The following PAK1 variants were observed in gnomAD, a reference collection of about 807,000 sequenced individuals.
PAK1 encodes p21 (RAC1) activated kinase 1.
Under a neutral mutation model 67.4 loss-of-function variants are expected in PAK1, and 29 were observed. The ratio of observed to expected loss-of-function variants is 0.43; its 90% CI spans 0.32 to 0.59. The LOEUF is 0.59. PAK1 is among the 20% of genes least tolerant of loss of function. PAK1 has a pLI of 0.07. For missense variants in PAK1, 337 were observed against 670.7 expected, an observed-to-expected ratio of 0.50 and a Z score of 5.50; for synonymous variants, 223 against 237.4, an observed-to-expected ratio of 0.94 and a Z score of 0.56.
the PAK1 span, among the ~76,000 whole-genome samples, chr11:77,498,691 ATTTTTTTTTTTTTTT>A: frequency 9.7e-5 from 7 of 72,052 alleles, no homozygotes; most frequent in East Asian, 2.9e-3. Flanking sequence ...CTTGCTTGTA[ATTTTTTTTTTTTTTT>A]TTTTTTTTTT....
intron 6 of PAK1, among the ~76,000 whole-genome samples, chr11:77,356,562 C>G (rs948703175): frequency 6.6e-6 from 1 of 152,138 alleles, no homozygotes; most frequent in African/African-American, 2.4e-5. Flanking sequence ...GTTTCCTCAT[C>G]TATAAAATGG....
At chr11:77,402,080 GAA>G (rs1565671358) in intron 1 of PAK1, among the ~76,000 whole-genome samples, 1 of 152,090 alleles carries the variant, frequency 6.6e-6, no homozygotes, top group Non-Finnish European at 1.5e-5. Context: ...TGGGAACCTG[GAA>G]CCTATAGGGT....
At chr11:77,492,334 T>C in the PAK1 span, among the ~76,000 whole-genome samples, 1 of 136,462 alleles carries the variant, frequency 7.3e-6, no homozygotes, top group East Asian at 2.3e-4. Flanking sequence ...AGACTCCATC[T>C]CACAAAAAAA....
intron 1 of PAK1, among the ~76,000 whole-genome samples, chr11:77,431,046 C>G (rs1369904694): frequency 1.3e-5 from 2 of 152,096 alleles, no homozygotes; most frequent in African/African-American, 4.8e-5. Context: ...AAATGTAATG[C>G]ATTTGCATCA....
chr11:77,335,983 AG>A (rs1811536630), intron 13 of PAK1, 102 bp downstream of exon 13: 1 of 643,974 alleles, frequency 1.6e-6, no homozygotes, highest in African/African-American at 1.8e-5. Context: ...TATCCAGAAA[AG>A]GGATCTCCAG....
chr11:77,330,404 C>T (rs1161959327), intron 14 of PAK1, among the ~76,000 whole-genome samples: 1 of 152,176 alleles, frequency 6.6e-6, no homozygotes, highest in African/African-American at 2.4e-5. Context: ...GCTACAGTAA[C>T]CAAAACAGCA....
At chr11:77,446,723 C>A (rs1026738019) in intron 1 of PAK1, among the ~76,000 whole-genome samples, 2 of 151,876 alleles carry the variant, frequency 1.3e-5, no homozygotes, top group African/African-American at 4.8e-5. Flanking sequence ...TTAAAATTGG[C>A]AGATTGAAAA....
chr11:77,454,690 T>C (rs1336537144), intron 1 of PAK1, among the ~76,000 whole-genome samples: 2 of 152,172 alleles, frequency 1.3e-5, no homozygotes, highest in African/African-American at 4.8e-5. Context: ...AATTTGCATT[T>C]TTAGCAAGTT....
intron 1 of PAK1, chr11:77,411,991 A>T (rs1954618659): frequency 6.6e-6 from 1 of 152,376 alleles, no homozygotes; most frequent in South Asian, 2.1e-4. Context: ...GGGTTGGCGA[A>T]ACAGAAGGGG....
chr11:77,326,757 C>T (rs1285529042), intron 14 of PAK1, among the ~76,000 whole-genome samples: 2 of 152,160 alleles, frequency 1.3e-5, no homozygotes, highest in East Asian at 1.9e-4. Context: ...AACGCAGCTC[C>T]TCACCAGCAA....
chr11:77,451,865 C>T (rs1834247318), intron 1 of PAK1, among the ~76,000 whole-genome samples: 4 of 142,732 alleles, frequency 2.8e-5, no homozygotes, highest in East Asian at 1.9e-4. Flanking sequence ...TCCCAAAGTG[C>T]TGGGATTACA....
intron 1 of PAK1, among the ~76,000 whole-genome samples, chr11:77,467,330 T>C (rs1957645284): frequency 6.6e-6 from 1 of 152,214 alleles, no homozygotes; most frequent in South Asian, 2.1e-4. Context: ...TGTCATTTTT[T>C]GTCTCAATGT....
chr11:77,482,427 T>C, the PAK1 span, among the ~76,000 whole-genome samples: 12 of 152,222 alleles, frequency 7.9e-5, no homozygotes, highest in South Asian at 4.1e-4. Context: ...AAAAGATATA[T>C]ATAAATTTAG....
chr11:77,420,938 T>C (rs1955227901), intron 1 of PAK1, among the ~76,000 whole-genome samples: 1 of 152,230 alleles, frequency 6.6e-6, no homozygotes, highest in Non-Finnish European at 1.5e-5. Context: ...AGCGCCACTG[T>C]TGGGAAACTC....
chr11:77,361,904 G>T (rs950132662), intron 5 of PAK1, among the ~76,000 whole-genome samples: 13 of 151,902 alleles, frequency 8.6e-5, no homozygotes, highest in African/African-American at 3.1e-4. Context: ...TTCATCACAG[G>T]CAAGTTTTCT....
At chr11:77,458,143 G>A (rs1957162378) in intron 1 of PAK1, among the ~76,000 whole-genome samples, 1 of 152,144 alleles carries the variant, frequency 6.6e-6, no homozygotes, top group African/African-American at 2.4e-5. Context: ...ACTGACAAGG[G>A]ACCAAAATTT....
At chr11:77,478,789 G>C (rs1382973082), upstream of PAK1, among the ~76,000 whole-genome samples, 1 of 150,108 alleles carries the variant, frequency 6.7e-6, no homozygotes, top group African/African-American at 2.5e-5. Context: ...TAAATGTTAA[G>C]ATCTAGGCCA....
At chr11:77,324,258 C>T (rs1392859682) in intron 14 of PAK1, among the ~76,000 whole-genome samples, 3 of 150,760 alleles carry the variant, frequency 2.0e-5, no homozygotes, top group African/African-American at 4.9e-5. Flanking sequence ...CTGCAACCTC[C>T]GCCTCCTGGG....
the PAK1 span, among the ~76,000 whole-genome samples, chr11:77,513,396 T>C: frequency 2.0e-5 from 3 of 152,138 alleles, no homozygotes; most frequent in East Asian, 3.9e-4. Flanking sequence ...TGGCCAGGCA[T>C]GGTGGCTCAT....
Sources: allele counts gnomAD v4.1 joint callset (sites outside exome capture counted in the v4.1 genomes callset), GRCh38; gene constraint gnomAD v4.1.1; transcripts MANE v1.5; gene names NCBI Gene and HGNC (gene_info 2026-07-23, HGNC 2026-07-21).